Variants in SV2C observed in about 807,000 individuals in gnomAD.
SV2C encodes the protein solute carrier family 22 member B3.
A neutral mutation model predicts 79.7 loss-of-function variants in SV2C; 49 were observed. The ratio of observed to expected loss-of-function variants is 0.61; its 90% confidence interval spans 0.49 to 0.78. SV2C has a LOEUF of 0.78. SV2C is among the 30% of genes least tolerant of loss of function. The pLI is 0.00. For missense variants in SV2C, 833 were observed against 912.9 expected (o/e 0.91, Z 1.13); for synonymous variants, 334 against 333.2 (o/e 1.00, Z -0.03).
chr5:76,081,138 G>C (rs1360462014), upstream of SV2C, among the ~76,000 whole-genome samples: 2 of 152,180 alleles, frequency 1.3e-5, no homozygotes, highest in Non-Finnish European at 2.9e-5. Flanking sequence ...AAATCCAGAA[G>C]TAGAAAAATC....
chr5:75,923,823 G>A, the SV2C span, among the ~76,000 whole-genome samples: 22 of 152,168 alleles, frequency 1.4e-4, no homozygotes, highest in Admixed American at 7.9e-4. Flanking sequence ...ATGTAAATCA[G>A]TACAACCACT....
chr5:75,901,124 G>C, the SV2C span, among the ~76,000 whole-genome samples: 1 of 152,186 alleles, frequency 6.6e-6, no homozygotes, highest in African/African-American at 2.4e-5. Flanking sequence ...TCCATTGCTG[G>C]TGAGGACCTG....
the SV2C span, chr5:75,911,191 T>A: frequency 6.3e-7 from 1 of 1,595,346 alleles, no homozygotes; most frequent in Non-Finnish European, 8.6e-7. Context: ...TCTACCAGCC[T>A]GCAATGGCCC....
the SV2C span, chr5:76,075,855 A>T: frequency 1.8e-5 from 4 of 225,652 alleles, no homozygotes; most frequent in African/African-American, 9.3e-5. Flanking sequence ...TTCCAAATAG[A>T]TTATTTGCAC....
chr5:75,920,986 G>A, the SV2C span: 2 of 706,512 alleles, frequency 2.8e-6, no homozygotes, highest in Admixed American at 2.1e-5. Flanking sequence ...CCAGTGCTGT[G>A]TGCTCCCCGT....
the SV2C span, among the ~76,000 whole-genome samples, chr5:75,978,908 G>A: frequency 2.0e-5 from 3 of 152,152 alleles, no homozygotes; most frequent in Non-Finnish European, 4.4e-5. Flanking sequence ...CTTGAGCCTG[G>A]GAGGCAGGGG....
chr5:76,014,696 A>G, the SV2C span, among the ~76,000 whole-genome samples: 10 of 152,052 alleles, frequency 6.6e-5, no homozygotes, highest in Non-Finnish European at 2.9e-5. Context: ...ACCCCCTAAC[A>G]TACACTCACA....
At chr5:75,870,016 A>G in the SV2C span, among the ~76,000 whole-genome samples, 18,939 of 152,088 alleles carry the variant, frequency 0.12, 1,389 homozygotes, top group African/African-American at 0.22. Context: ...AATACCTGGA[A>G]AGCCTTTCCA....
intron 8 of SV2C, 105 bp from the exon 9 acceptor site, chr5:76,295,673 C>A: frequency 9.0e-7 from 1 of 1,105,990 alleles, no homozygotes. Flanking sequence ...TATAGGGAGC[C>A]AGCCATTCTC....
At chr5:76,281,195 C>G (rs1001291040) in intron 4 of SV2C, 1 of 532,548 alleles carries the variant, frequency 1.9e-6, no homozygotes, top group Non-Finnish European at 3.8e-6. Flanking sequence ...AAAAGTAAGC[C>G]GACAAACAGA....
the SV2C span, among the ~76,000 whole-genome samples, chr5:75,881,331 T>A: frequency 0.59 from 89,770 of 152,076 alleles, 27,864 homozygotes; most frequent in African/African-American, 0.8. Context: ...TGCTGTGAAG[T>A]TTAAATACGT....
the SV2C span, among the ~76,000 whole-genome samples, chr5:75,948,670 C>T: frequency 6.6e-6 from 1 of 151,738 alleles, no homozygotes; most frequent in Non-Finnish European, 1.5e-5. Context: ...GGGAAGTGAG[C>T]CATGCAAATA....
At chr5:76,186,581 A>G (rs1444065522) in intron 2 of SV2C, among the ~76,000 whole-genome samples, 1 of 152,234 alleles carries the variant, frequency 6.6e-6, no homozygotes, top group African/African-American at 2.4e-5. Flanking sequence ...GATCCCAGCT[A>G]TGCAGGAGGC....
the SV2C span, among the ~76,000 whole-genome samples, chr5:76,077,912 T>C: frequency 6.6e-6 from 1 of 152,194 alleles, no homozygotes; most frequent in Non-Finnish European, 1.5e-5. Context: ...AACCCCTTGT[T>C]TGCCCAGGTC....
chr5:75,974,745 T>G, the SV2C span, among the ~76,000 whole-genome samples: 3 of 152,184 alleles, frequency 2.0e-5, no homozygotes, highest in African/African-American at 7.2e-5. Context: ...ATTTTGGCTT[T>G]CCACTAAGCA....
chr5:76,339,584 G>T, intron 12 of SV2C, among the ~76,000 whole-genome samples: 1 of 151,996 alleles, frequency 6.6e-6, no homozygotes, highest in East Asian at 1.9e-4. Context: ...TGTGGTGGTG[G>T]GCACCTGTAG....
intron 2 of SV2C, among the ~76,000 whole-genome samples, chr5:76,143,023 A>G (rs917309966): frequency 2.0e-5 from 3 of 151,348 alleles, no homozygotes; most frequent in Admixed American, 6.6e-5. Flanking sequence ...CAGCCTCCCA[A>G]GTAGCTGGGG....
At chr5:75,852,369 A>C in the SV2C span, among the ~76,000 whole-genome samples, 2 of 152,182 alleles carry the variant, frequency 1.3e-5, no homozygotes, top group Admixed American at 1.3e-4. Flanking sequence ...AAAATTATCA[A>C]CTGATAAGAA....
downstream of SV2C, among the ~76,000 whole-genome samples, chr5:76,336,111 C>G (rs536781162): frequency 1.5e-5 from 2 of 135,212 alleles, no homozygotes; most frequent in East Asian, 2.0e-4. Context: ...TGACCCCCCC[C>G]ACCTCCCTCC....
Sources: allele counts gnomAD v4.1 joint callset (sites outside exome capture counted in the v4.1 genomes callset), GRCh38; gene constraint gnomAD v4.1.1; transcripts MANE v1.5; gene names NCBI Gene and HGNC (gene_info 2026-07-23, HGNC 2026-07-21).